Variants in ROBO2 observed in about 807,000 individuals in gnomAD.
The protein encoded by ROBO2 is roundabout guidance receptor 2, also known as roundabout homolog 2.
A neutral mutation model predicts 160.8 loss-of-function variants in ROBO2; 53 were observed. The observed-to-expected ratio is 0.33, with a 90% confidence interval of 0.26 to 0.41. The LOEUF is 0.41. ROBO2 is among the 10% of genes least tolerant of loss of function. The pLI, the probability that ROBO2 is intolerant of heterozygous loss-of-function variation, is 1.00. For missense variants in ROBO2, 1,577 were observed against 1,722.4 expected, an observed-to-expected ratio of 0.92 and a Z score of 1.49; for synonymous variants, 664 against 611.7, an observed-to-expected ratio of 1.09 and a Z score of -1.26.
At chr3:76,017,748 A>C (rs1559836940) in intron 2 of ROBO2, among the ~76,000 whole-genome samples, 1 of 152,098 alleles carries the variant, frequency 6.6e-6, no homozygotes, top group Non-Finnish European at 1.5e-5. Flanking sequence ...CATTTCAAAT[A>C]ATGTGGAGCA....
In ROBO2 at chr3:76,119,248, C is replaced by T. The variant is rs371182974; in HGVS notation, c.109+181646C>T. ...TTGGTTCATGCACCAAATCAATTTT[C>T]GATGGGTGAAATGAACTGGTATTGC... On this transcript the variant is annotated intron_variant, in intron 2 of 26. Coordinates refer to the ROBO2 transcript ENST00000487694. Among the ~76,000 whole-genome samples, 25 of 152,204 alleles carry T rather than the reference C, an allele frequency of 1.6e-4. 1 individual carries two copies. In the South Asian group the frequency reaches 1.7e-3, roughly 10 times the overall value.
At chr3:76,362,648 T>G (rs2075588654) in intron 2 of ROBO2, among the ~76,000 whole-genome samples, 1 of 152,080 alleles carries the variant, frequency 6.6e-6, no homozygotes, top group African/African-American at 2.4e-5. Context: ...CATCGAAAAT[T>G]TGCAGATGTT....
intron 2 of ROBO2, among the ~76,000 whole-genome samples, chr3:76,874,956 A>G (rs761171104): frequency 6.6e-6 from 1 of 152,178 alleles, no homozygotes; most frequent in African/African-American, 2.4e-5. Context: ...ATGTTTTAAC[A>G]TGAGAACATT....
At chr3:76,700,337 A>C (rs1455079504) in intron 2 of ROBO2, among the ~76,000 whole-genome samples, 1 of 152,104 alleles carries the variant, frequency 6.6e-6, no homozygotes, top group Non-Finnish European at 1.5e-5. Context: ...GATGTTTCAT[A>C]ACTCATCTTT....
In ROBO2 at chr3:77,574,490, G is replaced by A. The variant is rs1230217948; in HGVS notation, c.1972-9G>A. The A allele has an allele frequency of 6.2e-7, 1 of 1,610,762 alleles. No individual in the cohort carries two copies. Among genetic ancestry groups the A allele is most frequent in the East Asian group, 2.2e-5 (1 of 44,810 alleles). ...TTTAGTTTCAAATGCCCTTAACTAT[G>A]TTTTTCAGGTTGATCGCCAACCCCA... On this transcript the variant is annotated splice_polypyrimidine_tract_variant and intron_variant, in intron 13 of 25. Transcript: ENST00000461745.
chr3:76,172,010 A>C (rs1408734937), intron 2 of ROBO2, among the ~76,000 whole-genome samples: 1 of 152,102 alleles, frequency 6.6e-6, no homozygotes, highest in African/African-American at 2.4e-5. Context: ...ATATGACTCC[A>C]TCCAAATTCC....
chr3:76,770,281 T>A (rs546710805), intron 2 of ROBO2, among the ~76,000 whole-genome samples: 1 of 151,494 alleles, frequency 6.6e-6, no homozygotes, highest in East Asian at 2.0e-4. Flanking sequence ...TGTCTAGCTG[T>A]GCTCATAGTC....
At chr3:76,742,655 A>G (rs966112754) in intron 2 of ROBO2, among the ~76,000 whole-genome samples, 45 of 152,148 alleles carry the variant, frequency 3.0e-4, no homozygotes, top group African/African-American at 9.4e-4. Context: ...TTACAAGAAC[A>G]TCACATCACA....
intron 2 of ROBO2, among the ~76,000 whole-genome samples, chr3:76,378,560 G>T (rs936600632): frequency 1.3e-5 from 2 of 152,260 alleles, no homozygotes; most frequent in South Asian, 2.1e-4. Context: ...CACACTTCAC[G>T]TGCTCAGGCT....
At chr3:77,071,697 C>T (rs1313556274) in intron 1 of ROBO2, among the ~76,000 whole-genome samples, 1 of 151,726 alleles carries the variant, frequency 6.6e-6, no homozygotes, top group East Asian at 1.9e-4. Context: ...CCACTGCTGT[C>T]TTTGCTGTTC....
chr3:76,133,316 G>GA (rs1475278046), intron 2 of ROBO2, among the ~76,000 whole-genome samples: 3 of 151,808 alleles, frequency 2.0e-5, no homozygotes, highest in Non-Finnish European at 4.4e-5. Flanking sequence ...AAAGTATTGT[G>GA]AAAAAACCAA....
At chr3:77,342,764 G>T (rs75094730) in intron 2 of ROBO2, among the ~76,000 whole-genome samples, 1 of 152,252 alleles carries the variant, frequency 6.6e-6, no homozygotes, top group Non-Finnish European at 1.5e-5. Flanking sequence ...CTTGTTGCAA[G>T]TACCTTTATG....
intron 1 of ROBO2, among the ~76,000 whole-genome samples, chr3:75,914,250 C>A (rs9310351): frequency 6.6e-6 from 1 of 152,038 alleles, no homozygotes; most frequent in African/African-American, 2.4e-5. Context: ...TATTATCTGA[C>A]CATAGTATCA....
chr3:76,222,628 G>T (rs945375378), intron 2 of ROBO2, among the ~76,000 whole-genome samples: 1 of 152,126 alleles, frequency 6.6e-6, no homozygotes, highest in African/African-American at 2.4e-5. Flanking sequence ...ACCTGATGGT[G>T]CCTGACATTC....
chr3:77,198,012 A>G (rs114182760), intron 2 of ROBO2, among the ~76,000 whole-genome samples: 158 of 152,300 alleles, frequency 1.0e-3, no homozygotes, highest in African/African-American at 3.4e-3. Flanking sequence ...CAGGGGCCAG[A>G]ATTTTGTCCT....
chr3:76,541,248 C>A (rs1254878767), intron 2 of ROBO2, among the ~76,000 whole-genome samples: 2 of 152,172 alleles, frequency 1.3e-5, no homozygotes, highest in African/African-American at 4.8e-5. Context: ...ATAAATAAGA[C>A]AGCCTATCTT....
intron 2 of ROBO2, among the ~76,000 whole-genome samples, chr3:77,440,264 G>A (rs114230244): frequency 1.3e-4 from 20 of 152,062 alleles, no homozygotes; most frequent in Admixed American, 1.0e-3. Flanking sequence ...TTGCTATCAC[G>A]TACTTATTGA....
At chr3:77,336,663 A>G (rs994374845) in intron 2 of ROBO2, among the ~76,000 whole-genome samples, 5 of 152,196 alleles carry the variant, frequency 3.3e-5, no homozygotes, top group Non-Finnish European at 7.3e-5. Context: ...GCCTTCCATA[A>G]GAAAGTAGCT....
intron 1 of ROBO2, among the ~76,000 whole-genome samples, chr3:77,074,954 CT>C (rs2067809264): frequency 6.6e-6 from 1 of 152,104 alleles, no homozygotes; most frequent in Non-Finnish European, 1.5e-5. Flanking sequence ...CATATTTTAA[CT>C]GTTTTCCACT....
Sources: allele counts gnomAD v4.1 joint callset (sites outside exome capture counted in the v4.1 genomes callset), GRCh38; gene constraint gnomAD v4.1.1; transcripts MANE v1.5; gene names NCBI Gene and HGNC (gene_info 2026-07-23, HGNC 2026-07-21).